The following NEURL1 variants were observed in gnomAD, a reference collection of about 807,000 sequenced individuals.
NEURL1 encodes the protein neuralized E3 ubiquitin protein ligase 1.
In NEURL1, 26 loss-of-function variants were observed where a neutral mutation model predicts 41.2. The observed-to-expected ratio is 0.63, with a 90% CI of 0.46 to 0.87. The LOEUF is 0.87. Among genes scored for constraint, NEURL1 ranks in the 40% least tolerant of loss-of-function variants. The pLI is 0.00. For synonymous variants in NEURL1, 400 were observed against 402.3 expected (o/e 0.99, Z 0.07); for missense variants, 761 against 871.1 (o/e 0.87, Z 1.59).
intron 1 of NEURL1, among the ~76,000 whole-genome samples, chr10:103,533,109 A>G (rs563160048): frequency 2.0e-5 from 3 of 150,354 alleles, no homozygotes; most frequent in African/African-American, 7.3e-5. Context: ...TTGTATTTTT[A>G]GTAGAGACGG....
intron 1 of NEURL1, among the ~76,000 whole-genome samples, chr10:103,537,134 G>A (rs181238511): frequency 1.3e-4 from 20 of 152,256 alleles, no homozygotes; most frequent in Middle Eastern, 6.8e-3. Flanking sequence ...TCCATTGTAT[G>A]TATGTGCCAC....
intron 1 of NEURL1, among the ~76,000 whole-genome samples, chr10:103,543,743 C>T (rs959849969): frequency 6.6e-6 from 1 of 152,154 alleles, no homozygotes; most frequent in Non-Finnish European, 1.5e-5. Flanking sequence ...TTGGGATGAT[C>T]TCAGAGGAAA....
chr10:103,556,726 A>C lies in NEURL1; in HGVS notation c.86-14146A>C, dbSNP rs1332146463. 1.3e-5 allele frequency among the ~76,000 whole-genome samples: 2 copies of C among 152,200 alleles called. No individual in the cohort carries two copies. Among genetic ancestry groups the C allele is most frequent in the East Asian group, 3.9e-4 (2 of 5,188 alleles). On this transcript the variant is annotated intron_variant, in intron 1 of 5. Coordinates refer to ENST00000369780, the MANE Select transcript of NEURL1 (RefSeq NM_004210.5). The surrounding 1 kb of genome is among the most constrained non-coding windows in gnomAD (Gnocchi z 4.4). Reference sequence around the variant, plus strand: ...GATGGAAGGCCCTGGAAGACACATAATCCGGAGCCAGGCCAGGGGCACTGC... The same window carrying C: ...GATGGAAGGCCCTGGAAGACACATACTCCGGAGCCAGGCCAGGGGCACTGC...
chr10:103,578,779 G>T (rs2035722248), intron 3 of NEURL1, among the ~76,000 whole-genome samples: 2 of 152,206 alleles, frequency 1.3e-5, no homozygotes, highest in Non-Finnish European at 2.9e-5. Context: ...GAGGGTGGAG[G>T]TGGGTGCTGG....
rs958881445 is a variant in NEURL1 at position 103,563,728 on chromosome 10, TCA to T, written c.86-7141_86-7140del. Among the ~76,000 whole-genome samples the T allele has an allele frequency of 1.0e-3, 154 of 152,272 alleles. 1 individual carries two copies. The highest frequency in any genetic ancestry group is 2.2e-4 in the Non-Finnish European group (15 of 68,024). ...TTACAAACACCATCTATTTTAATCC[TCA>T]CAAGAATCCCATGAAGGCCTGCCAT... On this transcript the variant is annotated intron_variant, in intron 1 of 5. Coordinates refer to ENST00000369780, the MANE Select transcript of NEURL1 (RefSeq NM_004210.5).
At chr10:103,525,630 A>G (rs2034445190) in intron 1 of NEURL1, among the ~76,000 whole-genome samples, 1 of 152,176 alleles carries the variant, frequency 6.6e-6, no homozygotes, top group South Asian at 2.1e-4. Context: ...CTGGGATTAC[A>G]GGTGTGAGCC....
intron 3 of NEURL1, among the ~76,000 whole-genome samples, chr10:103,574,362 T>C (rs2035613431): frequency 6.6e-6 from 1 of 150,800 alleles, no homozygotes. Flanking sequence ...TTAACCCCTC[T>C]GAAGCAGGCC....
In NEURL1 at chr10:103,575,211, C is replaced by T. The variant is rs190402026; in HGVS notation, c.649+3389C>T. Among the ~76,000 whole-genome samples the T allele has an allele frequency of 1.0e-3, 152 of 152,008 alleles. 1 individual carries two copies. The highest frequency in any genetic ancestry group is 3.5e-3 in the African/African-American group (145 of 41,462). ...TCCATCACCTGCACCTTTACTGCAC[C>T]TGTATCTTTCTGGGCTTTTCTCTCT... On this transcript the variant is annotated intron_variant, in intron 3 of 5. Transcript: ENST00000369780.
chr10:103,511,458 G>C (rs1023263037), intron 1 of NEURL1, among the ~76,000 whole-genome samples: 1 of 152,216 alleles, frequency 6.6e-6, no homozygotes, highest in African/African-American at 2.4e-5. Flanking sequence ...GGAGGGAAGA[G>C]GAAAGGTAGG....
chr10:103,521,432 G>C (rs2034345642), intron 1 of NEURL1, among the ~76,000 whole-genome samples: 1 of 152,194 alleles, frequency 6.6e-6, no homozygotes, highest in East Asian at 1.9e-4. Flanking sequence ...AAGTCAATTT[G>C]CCAGTCCTGG....
intron 1 of NEURL1, among the ~76,000 whole-genome samples, chr10:103,511,400 C>A (rs2034069115): frequency 6.6e-6 from 1 of 152,166 alleles, no homozygotes; most frequent in Non-Finnish European, 1.5e-5. Context: ...TGCAGCCCAG[C>A]AGGCCTCTGG....
intron 1 of NEURL1, among the ~76,000 whole-genome samples, chr10:103,528,553 AAAG>A (rs1463112039): frequency 6.6e-6 from 1 of 152,070 alleles, no homozygotes; most frequent in East Asian, 1.9e-4. Context: ...AAAAAAAAGA[AAAG>A]AAAAAGAAAA....
chr10:103,525,100 C>T (rs778082520), intron 1 of NEURL1, among the ~76,000 whole-genome samples: 2 of 151,876 alleles, frequency 1.3e-5, no homozygotes, highest in African/African-American at 2.4e-5. Context: ...ATGTCCTCTT[C>T]AATTTTTTTC....
chr10:103,534,816 G>A (rs1257820080), intron 1 of NEURL1, among the ~76,000 whole-genome samples: 1 of 152,068 alleles, frequency 6.6e-6, no homozygotes, highest in Non-Finnish European at 1.5e-5. Context: ...CTGGGTCATG[G>A]GGTGCAACTT....
intron 1 of NEURL1, among the ~76,000 whole-genome samples, chr10:103,510,537 G>GC (rs953607627): frequency 1.3e-5 from 2 of 152,160 alleles, no homozygotes; most frequent in African/African-American, 4.8e-5. Context: ...TGGGCCAACA[G>GC]CCCCCCTCCT....
intron 1 of NEURL1, among the ~76,000 whole-genome samples, chr10:103,550,019 C>T (rs575865442): frequency 1.3e-5 from 2 of 152,218 alleles, no homozygotes; most frequent in Non-Finnish European, 2.9e-5. Flanking sequence ...AGGCTCTTCC[C>T]CATTAGAGAG....
intron 1 of NEURL1, among the ~76,000 whole-genome samples, chr10:103,554,067 C>T (rs2035091712): frequency 1.3e-5 from 2 of 152,348 alleles, no homozygotes; most frequent in African/African-American, 4.8e-5. Flanking sequence ...ATAGCCACTG[C>T]CACCCACACA....
At chr10:103,580,108 A>G (rs1592239199) in intron 3 of NEURL1, among the ~76,000 whole-genome samples, 1 of 151,912 alleles carries the variant, frequency 6.6e-6, no homozygotes, top group East Asian at 1.9e-4. Context: ...AGCACCACCT[A>G]GAGGAGGGGA....
chr10:103,585,496 A>G (rs1464789164), intron 4 of NEURL1, among the ~76,000 whole-genome samples: 2 of 152,178 alleles, frequency 1.3e-5, no homozygotes, highest in Admixed American at 6.5e-5. Context: ...AGTCTCACAG[A>G]TACATAAACA....
Sources: allele counts gnomAD v4.1 joint callset (sites outside exome capture counted in the v4.1 genomes callset), GRCh38; gene constraint gnomAD v4.1.1; non-coding constraint Gnocchi (gnomAD v3.1); transcripts MANE v1.5; gene names NCBI Gene and HGNC (gene_info 2026-07-23, HGNC 2026-07-21).